GRIK3: variants seen among roughly 807,000 people sequenced by gnomAD.
GRIK3 encodes the protein glutamate receptor ionotropic, kainate 3.
A neutral mutation model predicts 102.5 loss-of-function variants in GRIK3; 29 were observed. The ratio of observed to expected loss-of-function variants is 0.28; its 90% CI spans 0.21 to 0.39. The LOEUF is 0.39. GRIK3 is among the 10% of genes least tolerant of loss of function. GRIK3 has a pLI of 1.00. For synonymous variants in GRIK3, 511 were observed against 504.9 expected, an observed-to-expected ratio of 1.01 and a Z score of -0.16; for missense variants, 908 against 1,252.4, an observed-to-expected ratio of 0.73 and a Z score of 4.15.
Position 36,974,296 on chromosome 1 carries a change from AC to A in GRIK3, c.115+59697del, listed in dbSNP as rs573279886. Among the ~76,000 whole-genome samples the A allele has an allele frequency of 5.7e-3, 870 of 152,226 alleles. 12 individuals carry two copies. Among genetic ancestry groups the A allele is most frequent in the African/African-American group, 0.02 (831 of 41,534 alleles). On this transcript the variant is annotated intron_variant, in intron 1 of 15. Coordinates refer to ENST00000373091, the MANE Select transcript of GRIK3 (RefSeq NM_000831.4). ...TTGGCCATTACTTTCAATGACAGAA[AC>A]CGCAGTTACTTTTGCACCAACTTAA...
intron 9 of GRIK3, among the ~76,000 whole-genome samples, chr1:36,847,741 C>T (rs750880516): frequency 2.0e-5 from 3 of 152,224 alleles, no homozygotes; most frequent in Non-Finnish European, 4.4e-5. Flanking sequence ...TAAGCAATTT[C>T]TTAGGGTCAT....
intron 2 of GRIK3, among the ~76,000 whole-genome samples, chr1:36,885,372 T>C (rs1271411195): frequency 6.6e-6 from 1 of 152,038 alleles, no homozygotes; most frequent in Non-Finnish European, 1.5e-5. Context: ...GTCATGGCAG[T>C]GATGGAGGTG....
chr1:36,910,498 C>T (rs74067504), intron 1 of GRIK3, among the ~76,000 whole-genome samples: 5,251 of 152,308 alleles, frequency 0.034, 293 homozygotes, highest in African/African-American at 0.12. Context: ...TAGCCAGACC[C>T]CTGGGGGAAC....
intron 5 of GRIK3, 31 bp from the exon 6 acceptor site, chr1:36,860,048 G>C (rs777853196): frequency 5.9e-6 from 9 of 1,516,716 alleles, no homozygotes; most frequent in East Asian, 2.3e-5. Context: ...GTAAACCAAG[G>C]CATGCTCACT....
intron 1 of GRIK3, among the ~76,000 whole-genome samples, chr1:36,974,513 T>TG (rs2124360771): frequency 6.6e-6 from 1 of 152,150 alleles, no homozygotes; most frequent in Admixed American, 6.5e-5. Flanking sequence ...TAAAAAGGAA[T>TG]GCCAGCCGGG....
chr1:36,832,965 G>A (rs778960287), intron 10 of GRIK3, among the ~76,000 whole-genome samples: 3 of 152,152 alleles, frequency 2.0e-5, no homozygotes, highest in African/African-American at 7.2e-5. Context: ...CTGCTCCTCC[G>A]TGTCTTTATC....
chr1:36,967,803 C>G (rs1213573867), intron 1 of GRIK3, among the ~76,000 whole-genome samples: 3 of 152,188 alleles, frequency 2.0e-5, no homozygotes, highest in African/African-American at 7.2e-5. Context: ...CCATCTATAA[C>G]ATGGGGCTAA....
At chr1:37,027,796 G>C (rs1389006024) in intron 1 of GRIK3, among the ~76,000 whole-genome samples, 2 of 151,992 alleles carry the variant, frequency 1.3e-5, no homozygotes, top group Non-Finnish European at 2.9e-5. Flanking sequence ...CTTCCAGACA[G>C]CTCAGTCCCT....
intron 5 of GRIK3, among the ~76,000 whole-genome samples, chr1:36,864,871 C>T (rs1640766004): frequency 6.6e-6 from 1 of 151,524 alleles, no homozygotes; most frequent in Non-Finnish European, 1.5e-5. Flanking sequence ...TCAGACTGCC[C>T]AGGGCCAAGA....
At chr1:36,987,300 T>C (rs2124371904) in intron 1 of GRIK3, among the ~76,000 whole-genome samples, 1 of 149,772 alleles carries the variant, frequency 6.7e-6, no homozygotes, top group South Asian at 2.1e-4. Flanking sequence ...AGCACTGAGG[T>C]TCGATTCCAT....
At position 36,809,862 on chromosome 1, in the gene GRIK3, C is replaced by A. The variant is rs528657966; in HGVS notation, c.2092-3536G>T. ...GGCCAGTGAAGATGCAAGGTGAAAA[C>A]AAGGCATGAAGCTGGCTGTGACGTT... is the stretch of plus-strand genomic sequence containing the variant. On this transcript the variant is annotated intron_variant, in intron 13 of 15. Transcript: ENST00000373091. Among the ~76,000 whole-genome samples, 3 of 152,314 alleles carry A rather than the reference C, an allele frequency of 2.0e-5. No homozygotes were observed. In the East Asian group the frequency reaches 5.8e-4, roughly 29 times the overall value.
intron 10 of GRIK3, among the ~76,000 whole-genome samples, chr1:36,831,793 A>T (rs2124204488): frequency 6.6e-6 from 1 of 152,362 alleles, no homozygotes; most frequent in East Asian, 1.9e-4. Flanking sequence ...AAAGCTTAAA[A>T]TTAAATAACC....
At chr1:36,959,801 C>CCG (rs1402089286) in intron 1 of GRIK3, among the ~76,000 whole-genome samples, 6 of 109,054 alleles carry the variant, frequency 5.5e-5, no homozygotes, top group East Asian at 8.3e-4. Context: ...CTGTGTACCC[C>CCG]ATGACTCTGT....
intron 1 of GRIK3, among the ~76,000 whole-genome samples, chr1:36,986,208 G>T (rs757642681): frequency 6.6e-6 from 1 of 152,284 alleles, no homozygotes; most frequent in Non-Finnish European, 1.5e-5. Context: ...GTAGAAAGCT[G>T]ATCAGTCTTA....
At chr1:36,838,112 G>A (rs1640402855) in intron 10 of GRIK3, among the ~76,000 whole-genome samples, 1 of 152,216 alleles carries the variant, frequency 6.6e-6, no homozygotes, top group African/African-American at 2.4e-5. Context: ...GACAGCTTCT[G>A]TGTACTGAGC....
chr1:37,017,230 A>T (rs1483457235), intron 1 of GRIK3, among the ~76,000 whole-genome samples: 1 of 151,360 alleles, frequency 6.6e-6, no homozygotes, highest in African/African-American at 2.4e-5. Context: ...AAAAAAACGA[A>T]AAAAAGAAAG....
At chr1:36,933,625 G>C (rs1000291002) in intron 1 of GRIK3, among the ~76,000 whole-genome samples, 1 of 152,136 alleles carries the variant, frequency 6.6e-6, no homozygotes, top group Non-Finnish European at 1.5e-5. Flanking sequence ...CATAATCAAA[G>C]GTACACTATC....
At chr1:36,898,815 T>C (rs1641201824) in intron 1 of GRIK3, among the ~76,000 whole-genome samples, 1 of 152,060 alleles carries the variant, frequency 6.6e-6, no homozygotes, top group Admixed American at 6.6e-5. Context: ...AAAGCTAGAG[T>C]AATCAAAACA....
intron 1 of GRIK3, among the ~76,000 whole-genome samples, chr1:36,892,335 T>C (rs1255724036): frequency 6.6e-6 from 1 of 152,104 alleles, no homozygotes; most frequent in Non-Finnish European, 1.5e-5. Context: ...AATTCCAGTT[T>C]TAAAACATGA....
Sources: gnomAD v4.1 joint callset for allele counts (sites outside exome capture counted in the v4.1 genomes callset) on GRCh38, gnomAD v4.1.1 for gene constraint, MANE v1.5 for transcripts, NCBI Gene and HGNC (gene_info 2026-07-23, HGNC 2026-07-21) for gene names.